Variants in NLGN1 observed in about 807,000 individuals in gnomAD.
NLGN1 encodes neuroligin-1.
In NLGN1, 12 loss-of-function variants were observed where a neutral mutation model predicts 65.5. The observed-to-expected ratio is 0.18, with a 90% confidence interval of 0.12 to 0.30. The LOEUF is 0.30. NLGN1 is among the 10% of genes least tolerant of loss of function. The pLI is 1.00. For missense variants in NLGN1, 750 were observed against 1,007.1 expected (o/e 0.74, Z 3.46); for synonymous variants, 350 against 359.5 (o/e 0.97, Z 0.30).
intron 4 of NLGN1, among the ~76,000 whole-genome samples, chr3:174,145,502 A>G (rs1723047203): frequency 6.6e-6 from 1 of 152,012 alleles, no homozygotes; most frequent in Non-Finnish European, 1.5e-5. Flanking sequence ...ACAGAGTGAG[A>G]CTTCATCTCA....
At position 173,419,898 on chromosome 3, in the gene NLGN1, A is replaced by C. The variant is rs186489627; in HGVS notation, c.-389-15112A>C. Among the ~76,000 whole-genome samples, 53 of 152,102 alleles carry C rather than the reference A, an allele frequency of 3.5e-4. No homozygotes were observed. The East Asian group carries it at 0.01, about 29-fold the overall frequency. On this transcript the variant is annotated intron_variant, in intron 1 of 6. Coordinates refer to ENST00000457714, the Ensembl canonical transcript of NLGN1. ...TGAGGCAGGAGAATTGCTTGAACCC[A>C]GGAGGCAGAAGTTGCAGTAAGCCGA...
At chr3:174,143,190 A>G (rs7634419) in intron 4 of NLGN1, among the ~76,000 whole-genome samples, 23,489 of 152,040 alleles carry the variant, frequency 0.15, 3,411 homozygotes, top group African/African-American at 0.38. Context: ...AGAATAGGAG[A>G]GGACATCCAA....
intron 1 of NLGN1, among the ~76,000 whole-genome samples, chr3:173,427,076 T>C (rs1316353634): frequency 2.0e-5 from 3 of 152,036 alleles, no homozygotes; most frequent in Non-Finnish European, 2.9e-5. Context: ...TAAGAATTTA[T>C]TCATGTCTTC....
intron 3 of NLGN1, among the ~76,000 whole-genome samples, chr3:173,785,168 A>C (rs926686269): frequency 6.6e-6 from 1 of 152,300 alleles, no homozygotes; most frequent in South Asian, 2.1e-4. Flanking sequence ...TGGCTTCTGC[A>C]CTCGGCAGGG....
At chr3:173,463,005 T>C (rs757627805) in intron 2 of NLGN1, among the ~76,000 whole-genome samples, 1 of 152,174 alleles carries the variant, frequency 6.6e-6, no homozygotes, top group Non-Finnish European at 1.5e-5. Flanking sequence ...TTTGTAACTC[T>C]GGTCATGCTG....
intron 4 of NLGN1, among the ~76,000 whole-genome samples, chr3:174,237,605 G>A (rs536464406): frequency 1.3e-5 from 2 of 151,992 alleles, no homozygotes; most frequent in East Asian, 3.9e-4. Flanking sequence ...TCACCCAGCT[G>A]GACTGCAGTG....
chr3:174,253,844 T>G (rs953400045), intron 4 of NLGN1, among the ~76,000 whole-genome samples: 1 of 152,284 alleles, frequency 6.6e-6, no homozygotes, highest in South Asian at 2.1e-4. Flanking sequence ...CTAGGAAAAC[T>G]TTTGAAAAAT....
At chr3:173,448,525 T>C (rs1481509888) in intron 2 of NLGN1, among the ~76,000 whole-genome samples, 1 of 152,214 alleles carries the variant, frequency 6.6e-6, no homozygotes, top group Non-Finnish European at 1.5e-5. Context: ...AAAATTCTCT[T>C]TTTTGGTTGT....
intron 4 of NLGN1, among the ~76,000 whole-genome samples, chr3:173,981,950 AT>A (rs1014942125): frequency 6.6e-6 from 1 of 151,962 alleles, no homozygotes; most frequent in Non-Finnish European, 1.5e-5. Context: ...AACAGCTGAT[AT>A]TTTTTATTAT....
At chr3:173,496,206 T>C (rs1270115342) in intron 2 of NLGN1, among the ~76,000 whole-genome samples, 1 of 151,746 alleles carries the variant, frequency 6.6e-6, no homozygotes, top group African/African-American at 2.4e-5. Context: ...ATTCATTTAG[T>C]CAGTCCTTTA....
At position 174,262,114 on chromosome 3, in the gene NLGN1, A is replaced by G. The variant is rs536101554; in HGVS notation, c.647-13201A>G. ...TATTTTATTGAGGATTTTTGCATCA[A>G]TGTTCATCAAGGATATTGGTCTAAA... On this transcript the variant is annotated intron_variant, in intron 4 of 6. Coordinates refer to ENST00000457714, the Ensembl canonical transcript of NLGN1. Among the ~76,000 whole-genome samples the G allele has an allele frequency of 1.8e-4, 15 of 85,642 alleles. 1 individual carries two copies. The highest frequency in any genetic ancestry group is 9.8e-4 in the Admixed American group (9 of 9,210). The allele number at this position is 85,642 out of a possible 152,430, so 56.2% of individuals were successfully genotyped here. A position where few individuals can be genotyped will look rare whatever the true frequency, so the allele number is the denominator to read the frequency against.
chr3:173,857,627 G>A (rs904215331), intron 4 of NLGN1, among the ~76,000 whole-genome samples: 16 of 151,982 alleles, frequency 1.1e-4, no homozygotes, highest in African/African-American at 3.6e-4. Flanking sequence ...CCTGGATTGC[G>A]AAAAGAGGGC....
rs10635715 is a variant in NLGN1, at chr3:173,675,868, G to GTCTC, written c.493+70794_493+70797dup. On this transcript the variant is annotated intron_variant, in intron 3 of 6. Transcript: ENST00000457714. ...TCTCTCTCTCTTTCTCTCTCTCTTTGTCTCTCTCTCTCTCTCTCTCACACA... is the reference window on the plus strand; with the variant it reads ...TCTCTCTCTCTTTCTCTCTCTCTTTGTCTCTCTCTCTCTCTCTCTCTCTCACACA... Among the ~76,000 whole-genome samples, 200 of 132,604 alleles carry GTCTC rather than the reference G, an allele frequency of 1.5e-3. 1 individual carries two copies. Among genetic ancestry groups the GTCTC allele is most frequent in the Middle Eastern group, 4.0e-3 (1 of 252 alleles). The allele number at this position is 132,604 out of a possible 152,430, so 87.0% of individuals were successfully genotyped here. A position where few individuals can be genotyped will look rare whatever the true frequency, so the allele number is the denominator to read the frequency against.
At chr3:173,616,807 G>T (rs972684450) in intron 3 of NLGN1, among the ~76,000 whole-genome samples, 1 of 152,084 alleles carries the variant, frequency 6.6e-6, no homozygotes, top group Non-Finnish European at 1.5e-5. Context: ...TCTACACATA[G>T]CAGCCAGTGT....
intron 4 of NLGN1, among the ~76,000 whole-genome samples, chr3:174,176,664 T>C (rs369314249): frequency 7.9e-5 from 12 of 152,080 alleles, no homozygotes; most frequent in African/African-American, 2.9e-4. Flanking sequence ...CAGTGAATAG[T>C]AACTTTGTAG....
At chr3:174,241,047 A>G (rs1561367205) in intron 4 of NLGN1, among the ~76,000 whole-genome samples, 1 of 152,184 alleles carries the variant, frequency 6.6e-6, no homozygotes, top group African/African-American at 2.4e-5. Context: ...ACTTAAAATA[A>G]CAGGTGCCAT....
At chr3:173,711,858 C>G (rs888105480) in intron 3 of NLGN1, among the ~76,000 whole-genome samples, 2 of 152,190 alleles carry the variant, frequency 1.3e-5, no homozygotes, top group Non-Finnish European at 2.9e-5. Flanking sequence ...TCCCGACACA[C>G]TCAGCAACAG....
intron 1 of NLGN1, among the ~76,000 whole-genome samples, chr3:173,421,617 G>T (rs1715065903): frequency 6.6e-6 from 1 of 151,692 alleles, no homozygotes; most frequent in African/African-American, 2.4e-5. Flanking sequence ...CAGTTCTTCT[G>T]CCTCAGTCTG....
intron 3 of NLGN1, among the ~76,000 whole-genome samples, chr3:173,631,202 A>C (rs1325371737): frequency 6.6e-6 from 1 of 152,198 alleles, no homozygotes; most frequent in Non-Finnish European, 1.5e-5. Flanking sequence ...CTGCTGAGTA[A>C]GGAATACTCT....
Sources: allele counts gnomAD v4.1 joint callset (sites outside exome capture counted in the v4.1 genomes callset), GRCh38; gene constraint gnomAD v4.1.1; transcripts MANE v1.5; gene names NCBI Gene and HGNC (gene_info 2026-07-23, HGNC 2026-07-21).